CFAP77: variants seen among roughly 807,000 people sequenced by gnomAD.
CFAP77 encodes cilia- and flagella-associated protein 77.
In CFAP77, 25 loss-of-function variants were observed where a neutral mutation model predicts 31.1. The ratio of observed to expected loss-of-function variants is 0.80; its 90% confidence interval spans 0.59 to 1.12. CFAP77 has a LOEUF of 1.12. Among genes scored for constraint, CFAP77 ranks in the 50% most tolerant of loss-of-function variants. The pLI is 0.00. For missense variants in CFAP77, 377 were observed against 397.3 expected (o/e 0.95, Z 0.44); for synonymous variants, 151 against 159.9 (o/e 0.94, Z 0.42).
At chr9:132,445,367 A>G (rs961851287) in intron 1 of CFAP77, among the ~76,000 whole-genome samples, 2 of 152,196 alleles carry the variant, frequency 1.3e-5, no homozygotes, top group Non-Finnish European at 2.9e-5. Flanking sequence ...TGTCTGGCCT[A>G]TTTCACTTAG....
At chr9:132,513,309 G>A (rs753550038) in intron 3 of CFAP77, 149 of 1,548,712 alleles carry the variant, frequency 9.6e-5, no homozygotes, top group Non-Finnish European at 1.2e-4. Context: ...ACTAACTCCC[G>A]TGAACCCACT....
chr9:132,498,949 C>G lies in CFAP77; in HGVS notation c.295+155C>G, dbSNP rs528438235. On this transcript the variant is annotated intron_variant, in intron 2 of 5. Transcript: ENST00000393216. This position sits in a 1 kb window ranked among gnomAD's most constrained non-coding sequence, Gnocchi z 4.2. The stretch of plus-strand genomic sequence containing the variant: ...GCCTGGGCAGCTGACTGGTAAAACC[C>G]AGGAAGTGGCCCAGATGGGGAGGGC... Among the ~76,000 whole-genome samples the G allele has an allele frequency of 2.0e-5, 3 of 152,196 alleles. No homozygotes were observed. Among genetic ancestry groups the G allele is most frequent in the Non-Finnish European group, 4.4e-5 (3 of 68,038 alleles).
chr9:132,531,556 G>A (rs1186879729), intron 3 of CFAP77, among the ~76,000 whole-genome samples: 2 of 150,562 alleles, frequency 1.3e-5, no homozygotes, highest in Non-Finnish European at 3.0e-5. Context: ...GAAGGAGCTG[G>A]AGAAGGAGGC....
At chr9:132,534,608 C>T (rs1211097137) in intron 3 of CFAP77, among the ~76,000 whole-genome samples, 1 of 114,236 alleles carries the variant, frequency 8.8e-6, no homozygotes, top group Non-Finnish European at 1.7e-5. Context: ...GAGACTCTGT[C>T]TCAAAAAAAA....
intron 3 of CFAP77, among the ~76,000 whole-genome samples, chr9:132,507,187 G>A (rs1014906883): frequency 6.6e-6 from 1 of 152,194 alleles, no homozygotes; most frequent in Non-Finnish European, 1.5e-5. Context: ...CTTTCACCAC[G>A]CTGGATGCTC....
intron 3 of CFAP77, among the ~76,000 whole-genome samples, chr9:132,523,088 C>CTTTCTT: frequency 8.0e-6 from 1 of 125,304 alleles, no homozygotes; most frequent in African/African-American, 2.8e-5. Context: ...TTTCTTCTTT[C>CTTTCTT]TTTTTTTTTT....
At chr9:132,561,935 G>A (rs1036955784) in intron 5 of CFAP77, among the ~76,000 whole-genome samples, 4 of 152,190 alleles carry the variant, frequency 2.6e-5, no homozygotes, top group Non-Finnish European at 5.9e-5. Flanking sequence ...GTGCCGCCTC[G>A]CAAGGAGGAA....
At chr9:132,468,785 A>G (rs1350389155) in intron 1 of CFAP77, among the ~76,000 whole-genome samples, 1 of 96,176 alleles carries the variant, frequency 1.0e-5, no homozygotes, top group South Asian at 3.6e-4. Context: ...ATAAGCACAC[A>G]CACACGCACA....
chr9:132,556,446 G>A (rs1589924255), intron 5 of CFAP77, among the ~76,000 whole-genome samples: 1 of 152,194 alleles, frequency 6.6e-6, no homozygotes, highest in African/African-American at 2.4e-5. Context: ...GCTTGTCAGG[G>A]CCTTTGTTGA....
rs1173646482 is a variant in CFAP77, at chr9:132,554,359, T to A, written c.732+11312T>A. 6.6e-6 allele frequency among the ~76,000 whole-genome samples: 1 copy of A among 152,104 alleles called. No homozygotes were observed. The highest frequency in any genetic ancestry group is 1.5e-5 in the Non-Finnish European group (1 of 68,014). On this transcript the variant is annotated intron_variant, in intron 5 of 5. Transcript: ENST00000393216. This position sits in a 1 kb window ranked among gnomAD's most constrained non-coding sequence, Gnocchi z 4.1. ...CCTTATTTTTATTTTATTTATTTTT[T>A]TTTTTGAGACAGGCTCTCACTCTGT...
chr9:132,499,256 G>T lies in CFAP77; in HGVS notation c.296-116G>T, dbSNP rs1424790555. The T allele has an allele frequency of 5.4e-5, 47 of 875,482 alleles. No homozygotes were observed. The highest frequency in any genetic ancestry group is 8.1e-5 in the Non-Finnish European group (46 of 568,186). 54.2% of individuals were successfully genotyped at this position (875,482 alleles called of 1,614,324 possible). ...GCCAGGCAGGGTTGTCACCCAGTAG[G>T]CTCAGGTAAATGGGAAGGCCGAGGA... On this transcript the variant is annotated intron_variant, in intron 2 of 5. Coordinates refer to ENST00000393216, the MANE Select transcript of CFAP77 (RefSeq NM_001282957.2). The surrounding 1 kb of genome is among the most constrained non-coding windows in gnomAD (Gnocchi z 5.4).
chr9:132,517,323 A>AT lies in CFAP77; in HGVS notation c.524+17727dup, dbSNP rs1467430333. 1.5e-4 allele frequency among the ~76,000 whole-genome samples: 23 copies of AT among 152,284 alleles called. No individual in the cohort carries two copies. Among genetic ancestry groups the AT allele is most frequent in the African/African-American group, 5.1e-4 (21 of 41,564 alleles). Reference sequence around the variant, plus strand: ...CATATTAGAGATGGATTTTAATTTTATTTTAACAAAATAGCTGTCTCCACT... The same window carrying AT: ...CATATTAGAGATGGATTTTAATTTTATTTTTAACAAAATAGCTGTCTCCACT... On this transcript the variant is annotated intron_variant, in intron 3 of 5. Transcript: ENST00000393216. This position sits in a 1 kb window ranked among gnomAD's most constrained non-coding sequence, Gnocchi z 4.7.
intron 3 of CFAP77, among the ~76,000 whole-genome samples, chr9:132,514,599 G>A (rs972992151): frequency 5.3e-5 from 8 of 152,066 alleles, no homozygotes; most frequent in East Asian, 1.9e-4. Flanking sequence ...CTTCCTTGCC[G>A]CCTGCTGCCT....
chr9:132,571,903 A>AT (rs1829964075), intron 5 of CFAP77, among the ~76,000 whole-genome samples: 2 of 117,246 alleles, frequency 1.7e-5, no homozygotes, highest in African/African-American at 3.2e-5. Flanking sequence ...TTTTTTTCTG[A>AT]TTTATTCTTG....
intron 3 of CFAP77, chr9:132,513,126 A>T: frequency 1.1e-6 from 1 of 887,948 alleles, no homozygotes; most frequent in Non-Finnish European, 1.7e-6. Context: ...ATCGTGGAGA[A>T]TGGGGTCTCC....
At chr9:132,461,357 C>A (rs1032765896) in intron 1 of CFAP77, among the ~76,000 whole-genome samples, 3 of 152,202 alleles carry the variant, frequency 2.0e-5, no homozygotes, top group African/African-American at 7.2e-5. Flanking sequence ...CTCTGTCTTA[C>A]GCCAGGATGA....
chr9:132,537,562 T>TC (rs1290533894), intron 3 of CFAP77, 39 bp from the exon 4 acceptor site: 1 of 1,535,818 alleles, frequency 6.5e-7, no homozygotes, highest in East Asian at 2.3e-5. Context: ...CTCTGGTCTT[T>TC]CCGGGGCCTC....
At chr9:132,523,598 G>A (rs1852307718) in intron 3 of CFAP77, among the ~76,000 whole-genome samples, 1 of 152,176 alleles carries the variant, frequency 6.6e-6, no homozygotes, top group Non-Finnish European at 1.5e-5. Flanking sequence ...TGAACAACTG[G>A]GAGGCACAGG....
chr9:132,426,419 G>T (rs1850312678), intron 1 of CFAP77, among the ~76,000 whole-genome samples: 1 of 152,276 alleles, frequency 6.6e-6, no homozygotes, highest in Non-Finnish European at 1.5e-5. Flanking sequence ...CCCAAGTTGG[G>T]GGGAAATGAG....
Sources: gnomAD v4.1 joint callset for allele counts (sites outside exome capture counted in the v4.1 genomes callset) on GRCh38, gnomAD v4.1.1 for gene constraint, Gnocchi (gnomAD v3.1) non-coding constraint, MANE v1.5 for transcripts, NCBI Gene and HGNC (gene_info 2026-07-23, HGNC 2026-07-21) for gene names.